The following ATXN1 variants were observed in gnomAD, a reference collection of about 807,000 sequenced individuals.
ATXN1 encodes the protein ataxin-1.
A neutral mutation model predicts 56.4 loss-of-function variants in ATXN1; 8 were observed. That is an observed-to-expected ratio of 0.14 (90% confidence interval 0.08 to 0.26). ATXN1 has a LOEUF of 0.26. Ranked by LOEUF, ATXN1 falls within the 10% of genes least tolerant of loss-of-function variation. ATXN1 has a pLI of 1.00. For synonymous variants in ATXN1, 514 were observed against 494.6 expected (o/e 1.04, Z -0.52); for missense variants, 987 against 1,106.5 (o/e 0.89, Z 1.53).
chr6:16,669,541 C>A (rs147447612), intron 2 of ATXN1, among the ~76,000 whole-genome samples: 1 of 152,198 alleles, frequency 6.6e-6, no homozygotes, highest in Admixed American at 6.5e-5. Flanking sequence ...TCCGGCAGAC[C>A]CCCTTGGTGT....
chr6:16,457,464 G>A (rs1018217335), intron 6 of ATXN1, among the ~76,000 whole-genome samples: 6 of 151,536 alleles, frequency 4.0e-5, no homozygotes, highest in African/African-American at 9.7e-5. Context: ...CCCTTGAAAC[G>A]CATCCTAAGC....
At chr6:16,507,971 C>G (rs1053090981) in intron 5 of ATXN1, among the ~76,000 whole-genome samples, 1 of 152,178 alleles carries the variant, frequency 6.6e-6, no homozygotes, top group African/African-American at 2.4e-5. Context: ...AAAAACATCT[C>G]TTAATAATAT....
At chr6:16,357,184 C>T (rs1761703611) in intron 6 of ATXN1, among the ~76,000 whole-genome samples, 1 of 151,998 alleles carries the variant, frequency 6.6e-6, no homozygotes, top group Non-Finnish European at 1.5e-5. Context: ...CAAATATGCA[C>T]TACTAAGGTC....
intron 2 of ATXN1, among the ~76,000 whole-genome samples, chr6:16,699,731 T>C (rs1460976719): frequency 6.6e-6 from 1 of 152,184 alleles, no homozygotes; most frequent in Non-Finnish European, 1.5e-5. Context: ...ACCAACTTCC[T>C]CAGACTTCCC....
intron 2 of ATXN1, among the ~76,000 whole-genome samples, chr6:16,724,962 T>C (rs1417498275): frequency 6.6e-6 from 1 of 152,284 alleles, no homozygotes; most frequent in East Asian, 1.9e-4. Flanking sequence ...AGACAGGAAG[T>C]GGAGAAGTCC....
At chr6:16,676,352 CA>C (rs1242417711) in intron 2 of ATXN1, among the ~76,000 whole-genome samples, 1 of 152,126 alleles carries the variant, frequency 6.6e-6, no homozygotes, top group Non-Finnish European at 1.5e-5. Flanking sequence ...AAGTATATAA[CA>C]CAGTTGTATA....
intron 2 of ATXN1, among the ~76,000 whole-genome samples, chr6:16,663,118 G>A (rs113599607): frequency 0.036 from 5,523 of 151,826 alleles, 241 homozygotes; most frequent in African/African-American, 0.1. Flanking sequence ...GATTACAGGC[G>A]TCCACCACCA....
At chr6:16,458,475 T>C (rs934569730) in intron 6 of ATXN1, among the ~76,000 whole-genome samples, 6 of 152,130 alleles carry the variant, frequency 3.9e-5, no homozygotes, top group African/African-American at 1.2e-4. Flanking sequence ...AGCTGAGATA[T>C]CAGGAGAAAG....
At chr6:16,356,388 TG>T (rs1247734294) in intron 6 of ATXN1, among the ~76,000 whole-genome samples, 1 of 152,216 alleles carries the variant, frequency 6.6e-6, no homozygotes, top group Non-Finnish European at 1.5e-5. Flanking sequence ...AAAGAAGAAA[TG>T]GAACAGGGCT....
chr6:16,563,904 T>C (rs1554115837), intron 4 of ATXN1, among the ~76,000 whole-genome samples: 1 of 152,212 alleles, frequency 6.6e-6, no homozygotes, highest in Non-Finnish European at 1.5e-5. Context: ...ATCTGATTTA[T>C]ATTCCTTACT....
At chr6:16,717,506 T>A (rs976988712) in intron 2 of ATXN1, among the ~76,000 whole-genome samples, 1 of 152,236 alleles carries the variant, frequency 6.6e-6, no homozygotes, top group African/African-American at 2.4e-5. Flanking sequence ...CTGCTGCTGA[T>A]ACCTGCAGCC....
chr6:16,425,254 C>T (rs1028161784), intron 6 of ATXN1, among the ~76,000 whole-genome samples: 21 of 152,240 alleles, frequency 1.4e-4, no homozygotes, highest in African/African-American at 4.6e-4. Flanking sequence ...AAAGTAGACC[C>T]TACTCCATCC....
chr6:16,540,334 CCCAA>C, intron 4 of ATXN1, among the ~76,000 whole-genome samples: 1 of 152,168 alleles, frequency 6.6e-6, no homozygotes, highest in African/African-American at 2.4e-5. Flanking sequence ...GCCTCAGCCT[CCCAA>C]GTAGCTGGGA....
intron 3 of ATXN1, among the ~76,000 whole-genome samples, chr6:16,598,058 T>C (rs566487224): frequency 1.3e-5 from 2 of 152,354 alleles, no homozygotes; most frequent in African/African-American, 4.8e-5. Flanking sequence ...ACTAGCTTGA[T>C]TGAATCTTGT....
chr6:16,440,500 G>A (rs1027463727), intron 6 of ATXN1, among the ~76,000 whole-genome samples: 81 of 151,366 alleles, frequency 5.4e-4, no homozygotes, highest in African/African-American at 1.8e-3. Flanking sequence ...ACACAAGAGG[G>A]AATACATACA....
intron 7 of ATXN1, among the ~76,000 whole-genome samples, chr6:16,319,184 C>T (rs1347436418): frequency 6.6e-6 from 1 of 151,364 alleles, no homozygotes; most frequent in Non-Finnish European, 1.5e-5. Flanking sequence ...TGTCACTGCA[C>T]TCCAGCCTGG....
At chr6:16,313,588 G>A (rs937812413) in intron 7 of ATXN1, among the ~76,000 whole-genome samples, 15 of 148,600 alleles carry the variant, frequency 1.0e-4, no homozygotes, top group Non-Finnish European at 1.3e-4. Context: ...ACAGAGTCTC[G>A]CTCTGTCACC....
chr6:16,750,947 C>T (rs1760697884), intron 2 of ATXN1, among the ~76,000 whole-genome samples: 1 of 151,566 alleles, frequency 6.6e-6, no homozygotes, highest in African/African-American at 2.4e-5. Context: ...AGACACTCTA[C>T]CTTTTTCTTT....
chr6:16,325,958 T>C (rs1760793399), intron 7 of ATXN1, among the ~76,000 whole-genome samples: 1 of 152,196 alleles, frequency 6.6e-6, no homozygotes, highest in Admixed American at 6.5e-5. Context: ...AAAACATGGA[T>C]GTTGCAATGG....
Sources: allele counts gnomAD v4.1 joint callset (sites outside exome capture counted in the v4.1 genomes callset), GRCh38; gene constraint gnomAD v4.1.1; transcripts MANE v1.5; gene names NCBI Gene and HGNC (gene_info 2026-07-23, HGNC 2026-07-21).